The following CADPS2 variants were observed in gnomAD, a reference collection of about 807,000 sequenced individuals.
CADPS2 encodes the protein calcium dependent secretion activator 2.
CADPS2 carries 93 observed loss-of-function variants against 172.5 expected under a neutral mutation model. The observed-to-expected ratio is 0.54, with a 90% CI of 0.46 to 0.64. The LOEUF (loss-of-function observed/expected upper bound fraction) is 0.64, where lower values mean the gene tolerates loss of function less well. Ranked by LOEUF, CADPS2 falls within the 30% of genes least tolerant of loss-of-function variation. The probability of loss-of-function intolerance (pLI) is 0.00; values close to 1 mark genes in which losing one functional copy is unlikely to be tolerated. For missense variants in CADPS2, 1,420 were observed against 1,565.9 expected (o/e 0.91, Z 1.57); for synonymous variants, 546 against 555.2 (o/e 0.98, Z 0.23).
intron 20 of CADPS2, among the ~76,000 whole-genome samples, chr7:122,395,784 A>G (rs1408478986): frequency 1.3e-5 from 2 of 151,906 alleles, no homozygotes; most frequent in African/African-American, 4.8e-5. Flanking sequence ...ATCATCACAG[A>G]AACTCTACGA....
At chr7:122,374,488 C>G (rs1238757219) in intron 25 of CADPS2, among the ~76,000 whole-genome samples, 2 of 151,600 alleles carry the variant, frequency 1.3e-5, no homozygotes, top group African/African-American at 2.4e-5. Context: ...CAGGAAAGAA[C>G]AAGTAAAATT....
intron 13 of CADPS2, among the ~76,000 whole-genome samples, chr7:122,472,996 C>T (rs1356417188): frequency 6.6e-6 from 1 of 152,056 alleles, no homozygotes; most frequent in Non-Finnish European, 1.5e-5. Flanking sequence ...ATCCAAAAGT[C>T]CCAGACCTGG....
At chr7:122,661,899 G>C (rs187288734) in intron 3 of CADPS2, among the ~76,000 whole-genome samples, 1 of 152,114 alleles carries the variant, frequency 6.6e-6, no homozygotes, top group Non-Finnish European at 1.5e-5. Flanking sequence ...CAAAGTTCCA[G>C]TTGAAGTTAT....
In CADPS2 at chr7:122,571,896, A is replaced by G. The variant is rs2471180; in HGVS notation, c.1335+9283T>C. Among the ~76,000 whole-genome samples the G allele has an allele frequency of 3.5e-3, 534 of 152,310 alleles. 5 individuals carry two copies. Among genetic ancestry groups the G allele is most frequent in the African/African-American group, 0.012 (510 of 41,582 alleles). Reference sequence around the variant, plus strand: ...TTATGAAGTAACAGATGAGGAGTAGATTAAAGATGTTTTATTGAATAATTA... The same window carrying G: ...TTATGAAGTAACAGATGAGGAGTAGGTTAAAGATGTTTTATTGAATAATTA... On this transcript the variant is annotated intron_variant, in intron 7 of 29. Coordinates refer to ENST00000449022, the MANE Select transcript of CADPS2 (RefSeq NM_017954.11).
At chr7:122,421,357 C>T (rs2048506632) in intron 17 of CADPS2, among the ~76,000 whole-genome samples, 1 of 152,066 alleles carries the variant, frequency 6.6e-6, no homozygotes, top group South Asian at 2.1e-4. Flanking sequence ...GTACTTGCAG[C>T]TAAACAATAA....
chr7:122,651,527 T>C (rs1264752767), intron 3 of CADPS2, among the ~76,000 whole-genome samples: 1 of 152,202 alleles, frequency 6.6e-6, no homozygotes, highest in African/African-American at 2.4e-5. Flanking sequence ...ACTTGAAGCC[T>C]ACTTTTTAAC....
At chr7:122,422,820 G>C (rs1223315530) in intron 17 of CADPS2, among the ~76,000 whole-genome samples, 1 of 151,356 alleles carries the variant, frequency 6.6e-6, no homozygotes, top group Admixed American at 6.6e-5. Context: ...ATAGCCTGGC[G>C]TGGTGGCACA....
intron 29 of CADPS2, among the ~76,000 whole-genome samples, chr7:122,325,192 T>C (rs949418686): frequency 2.0e-5 from 3 of 152,166 alleles, no homozygotes; most frequent in African/African-American, 7.2e-5. Context: ...AGAAAATTAA[T>C]GTAAAATTAT....
chr7:122,402,813 T>C (rs2046129544), intron 20 of CADPS2, among the ~76,000 whole-genome samples: 1 of 152,196 alleles, frequency 6.6e-6, no homozygotes, highest in South Asian at 2.1e-4. Flanking sequence ...GCAAGCACTG[T>C]TTTTCAACAA....
intron 20 of CADPS2, among the ~76,000 whole-genome samples, chr7:122,404,089 C>A (rs935232371): frequency 1.3e-5 from 2 of 151,928 alleles, no homozygotes; most frequent in Admixed American, 6.6e-5. Flanking sequence ...TGTGCTGCAC[C>A]CATTAACTCG....
rs141070865 is a variant in CADPS2 at position 122,395,546 on chromosome 7, T to C, written c.2747-1964A>G. The C allele has an allele frequency of 1.2e-4, 19 of 152,320 alleles. No homozygotes were observed. The East Asian group carries it at 3.7e-3, about 29-fold the overall frequency. The allele number at this position is 152,320 out of a possible 1,614,324, so 9.4% of individuals were successfully genotyped here. On this transcript the variant is annotated intron_variant, in intron 20 of 29. Transcript: ENST00000449022. ...AGGTACTATAGCTCAAATAATTCAG[T>C]TCCTTTTATCAAATGCCACCTAAAT...
At chr7:122,353,404 A>G (rs798693) in intron 27 of CADPS2, among the ~76,000 whole-genome samples, 119,162 of 151,918 alleles carry the variant, frequency 0.78, 47,275 homozygotes, top group African/African-American at 0.89. Context: ...TCTTAGGACA[A>G]ACCACCAAGA....
intron 20 of CADPS2, among the ~76,000 whole-genome samples, chr7:122,399,861 T>A (rs2045715659): frequency 6.6e-6 from 1 of 150,378 alleles, no homozygotes; most frequent in Admixed American, 6.6e-5. Context: ...TAACTTTTTG[T>A]ATTTTTAGTA....
chr7:122,843,611 A>G (rs534534351), intron 1 of CADPS2, among the ~76,000 whole-genome samples: 110 of 152,350 alleles, frequency 7.2e-4, no homozygotes, highest in Middle Eastern at 6.8e-3. Flanking sequence ...CTATGACATT[A>G]TATGCCAGAT....
At chr7:122,434,912 C>T (rs767829633) in intron 17 of CADPS2, among the ~76,000 whole-genome samples, 12 of 152,198 alleles carry the variant, frequency 7.9e-5, no homozygotes, top group Middle Eastern at 3.4e-3. Context: ...GTTGTAAGAG[C>T]CCTTCAAATA....
chr7:122,730,661 A>C (rs2091551660), intron 2 of CADPS2, among the ~76,000 whole-genome samples: 2 of 151,786 alleles, frequency 1.3e-5, no homozygotes, highest in Admixed American at 1.3e-4. Context: ...TTTTATACAT[A>C]CAAAACAGAA....
At chr7:122,320,550 A>C (rs1356403009) in intron 29 of CADPS2, among the ~76,000 whole-genome samples, 1 of 152,184 alleles carries the variant, frequency 6.6e-6, no homozygotes, top group Admixed American at 6.5e-5. Flanking sequence ...CTATGACTAC[A>C]TCAAAATGTT....
chr7:122,837,973 CA>C (rs199925802), intron 1 of CADPS2, among the ~76,000 whole-genome samples: 1 of 151,918 alleles, frequency 6.6e-6, no homozygotes, highest in African/African-American at 2.4e-5. Flanking sequence ...AGAGACACAA[CA>C]AAAAAAGAGA....
rs115452777 is a variant in CADPS2, at chr7:122,462,756, C to T, written c.2186+8619G>A. Among the ~76,000 whole-genome samples, 610 of 152,232 alleles carry T rather than the reference C, an allele frequency of 4.0e-3. 7 individuals carry two copies. The highest frequency in any genetic ancestry group is 0.014 in the African/African-American group (571 of 41,536). On this transcript the variant is annotated intron_variant, in intron 14 of 29. Coordinates refer to ENST00000449022, the MANE Select transcript of CADPS2 (RefSeq NM_017954.11). ...AAAAATCATTATTAGTTATGATGAT[C>T]ATCACCAAATGATGATAACAATGTT... is the stretch of plus-strand genomic sequence containing the variant.
Sources: allele counts gnomAD v4.1 joint callset (sites outside exome capture counted in the v4.1 genomes callset), GRCh38; gene constraint gnomAD v4.1.1; transcripts MANE v1.5; gene names NCBI Gene and HGNC (gene_info 2026-07-23, HGNC 2026-07-21).